Variants in ABCA13 observed in about 807,000 individuals in gnomAD.
ABCA13 encodes the protein ATP binding cassette subfamily A member 13.
A neutral mutation model predicts 478.7 loss-of-function variants in ABCA13; 476 were observed. The ratio of observed to expected loss-of-function variants is 0.99; its 90% CI spans 0.92 to 1.07. The LOEUF is 1.07. Ranked by LOEUF, ABCA13 falls within the 50% of genes least tolerant of loss-of-function variation. The pLI is 0.00. For missense variants in ABCA13, 6,060 were observed against 5,910.6 expected (o/e 1.03, Z -0.83); for synonymous variants, 2,252 against 2,158.9 (o/e 1.04, Z -1.20).
At chr7:48,613,732 T>A (rs953610951) in intron 58 of ABCA13, among the ~76,000 whole-genome samples, 1 of 150,388 alleles carries the variant, frequency 6.6e-6, no homozygotes, top group Non-Finnish European at 1.5e-5. Flanking sequence ...TCTTTCATTT[T>A]TTTTCTTCCT....
Position 48,273,233 on chromosome 7 carries a change from T to C in ABCA13, c.3567T>C (p.Asp1189=), listed in dbSNP as rs1411392797. 8.1e-6 allele frequency: 13 copies of C among 1,613,724 alleles called. No individual in the cohort carries two copies. Among genetic ancestry groups the C allele is most frequent in the Admixed American group, 1.7e-5 (1 of 59,992 alleles). ...AGCTTTTGGATGAATTGGAAGATGA[T>C]GTGAAAGTCTCTAAAAGCTGCCAGG... ...FTQLLDELED[D]VKVSKSCQGI... Residue 1189 remains aspartate (D), a synonymous_variant, in exon 17 of 62, where the codon GAT becomes GAC. Transcript: ENST00000435803.
chr7:48,273,877 T>A lies in ABCA13; in HGVS notation c.4211T>A (p.Leu1404Ter). 1 of 1,612,794 alleles carries A rather than the reference T, an allele frequency of 6.2e-7. No homozygotes were observed. The highest frequency in any genetic ancestry group is 8.5e-7 in the Non-Finnish European group (1 of 1,179,220). The change falls in exon 17 of 62, where the codon TTG (leucine) becomes TAG (stop). Residue 1404 changes from leucine to a stop codon, truncating the protein, a stop_gained. Transcript: ENST00000435803. LOFTEE classifies it high-confidence loss of function. ...GTATGGTTAGATGTCATAAACCATTTGTATTTGTTGTCTAACTCCAGTTTT... is the reference window on the plus strand; with the variant it reads ...GTATGGTTAGATGTCATAAACCATTAGTATTTGTTGTCTAACTCCAGTTTT... ...CIVWLDVINH[L>*]YLLSNSSFSQ...
intron 1 of ABCA13, among the ~76,000 whole-genome samples, chr7:48,191,329 G>A (rs1797078659): frequency 6.6e-6 from 1 of 152,218 alleles, no homozygotes; most frequent in Admixed American, 6.5e-5. Flanking sequence ...CTGTGTCAGA[G>A]AACTTTTTAA....
In ABCA13 at chr7:48,275,589, G is replaced by T; in HGVS notation, c.5923G>T (p.Asp1975Tyr). ...TKVTSGENIL[D>Y]KLSSLNKILN... ...AGTTACATCAGGTGAAAATATTCTT[G>T]ACAAACTAAGTAGTTTAAACAAGAT... Residue 1975 changes from aspartate to tyrosine, a missense_variant, in exon 17 of 62, where the codon GAC (aspartate) becomes TAC (tyrosine). Physicochemically the swap from Asp to Tyr is radical, Grantham distance 160 (BLOSUM62 -3). Coordinates refer to ENST00000435803, the MANE Select transcript of ABCA13 (RefSeq NM_152701.5). 1 of 1,612,616 alleles carries T rather than the reference G, an allele frequency of 6.2e-7. No individual in the cohort carries two copies. Among genetic ancestry groups the T allele is most frequent in the Non-Finnish European group, 8.5e-7 (1 of 1,179,234 alleles).
At chr7:48,219,794 C>T (rs1787076946) in intron 4 of ABCA13, among the ~76,000 whole-genome samples, 1 of 152,006 alleles carries the variant, frequency 6.6e-6, no homozygotes, top group Admixed American at 6.6e-5. Context: ...CTTCTCACCA[C>T]TCTGCCTACT....
At chr7:48,525,142 TATTCTGAGGTAA>T (rs1050061947) in intron 54 of ABCA13, among the ~76,000 whole-genome samples, 43 of 152,178 alleles carry the variant, frequency 2.8e-4, no homozygotes, top group Admixed American at 1.6e-3. Context: ...CAGATATGTG[TATTCTGAGGTAA>T]AGAGAAGCCG....
intron 42 of ABCA13, among the ~76,000 whole-genome samples, 174 bp downstream of exon 42, chr7:48,428,045 TA>T (rs1821672447): frequency 6.8e-6 from 1 of 148,102 alleles, no homozygotes; most frequent in Non-Finnish European, 1.5e-5. Flanking sequence ...CGTTGAGTTT[TA>T]TCCTGGCTTG....
At chr7:48,332,748 G>T (rs62449219) in intron 27 of ABCA13, among the ~76,000 whole-genome samples, 21,786 of 152,006 alleles carry the variant, frequency 0.14, 1,833 homozygotes, top group East Asian at 0.33. Flanking sequence ...TTCTTACGTC[G>T]TGATAAATGT....
intron 48 of ABCA13, among the ~76,000 whole-genome samples, chr7:48,493,336 TTTCGTTATTAGGAC>T (rs1239260490): frequency 1.3e-5 from 2 of 152,136 alleles, no homozygotes; most frequent in African/African-American, 4.8e-5. Context: ...TACTTGCTTC[TTTCGTTATTAGGAC>T]CTTTTAAGTT....
chr7:48,268,547 G>A (rs188537509), intron 15 of ABCA13, among the ~76,000 whole-genome samples: 62 of 152,306 alleles, frequency 4.1e-4, no homozygotes, highest in African/African-American at 1.4e-3. Flanking sequence ...GAATACTCAA[G>A]CGAAGCACAC....
rs145128844 is a variant in ABCA13, at chr7:48,364,729, A to C, written c.10689-3065A>C. 6.5e-3 allele frequency among the ~76,000 whole-genome samples: 996 copies of C among 152,246 alleles called. 10 individuals carry two copies. Among genetic ancestry groups the C allele is most frequent in the Non-Finnish European group, 9.8e-3 (667 of 68,006 alleles). ...CTCCAGTTCCATCCGTGTTGCTTCA[A>C]ATAACAGGATTTTTTCTTTGTAATT... On this transcript the variant is annotated intron_variant, in intron 31 of 61. Transcript: ENST00000435803.
intron 38 of ABCA13, among the ~76,000 whole-genome samples, chr7:48,393,004 G>A (rs1208779720): frequency 6.6e-6 from 1 of 152,212 alleles, no homozygotes; most frequent in Non-Finnish European, 1.5e-5. Flanking sequence ...GTGGGGAGAA[G>A]TGGAAAGGAA....
In ABCA13 at chr7:48,268,991, G is replaced by C. The variant is rs200621947; in HGVS notation, c.2017G>C (p.Glu673Gln). 6.4e-7 allele frequency: 1 copy of C among 1,566,820 alleles called. No homozygotes were observed. The highest frequency in any genetic ancestry group is 1.1e-5 in the South Asian group (1 of 87,796). ...GTCTTTTTATTTAGCTTTTCCTGAGGAATCTCCTTGTTTTGAAGAAAACAT... is the reference window on the plus strand; with the variant it reads ...GTCTTTTTATTTAGCTTTTCCTGAGCAATCTCCTTGTTTTGAAGAAAACAT... ...FQNRLLAFPE[E>Q]SPCFEENMDW... Residue 673 changes from glutamate (E) to glutamine (Q), a missense_variant, in exon 16 of 62, where the codon GAA becomes CAA. This residue lies in a region of ABCA13 where 4,423 missense variants were observed against 4,309.1 expected (regional missense o/e 1.03). Transcript: ENST00000435803.
At chr7:48,386,383 AT>A (rs1815192889) in intron 35 of ABCA13, among the ~76,000 whole-genome samples, 1 of 152,214 alleles carries the variant, frequency 6.6e-6, no homozygotes, top group Admixed American at 6.5e-5. Flanking sequence ...CTAGAAAAAA[AT>A]GTTTCAAAAT....
rs373994947 is a variant in ABCA13 at position 48,506,430 on chromosome 7, A to G, written c.13346+40A>G. 59 of 1,602,410 alleles carry G rather than the reference A, an allele frequency of 3.7e-5. 1 individual carries two copies. Among genetic ancestry groups the G allele is most frequent in the East Asian group, 3.6e-4 (16 of 44,740 alleles). On this transcript the variant is annotated intron_variant, in intron 49 of 61. Coordinates refer to ENST00000435803, the MANE Select transcript of ABCA13 (RefSeq NM_152701.5). ...TGCTGAGGGGTGTGTGACCCTGACT[A>G]TGGAAGAAAATCTTTGTGTTACTTA...
intron 48 of ABCA13, 43 bp from the exon 49 acceptor site, chr7:48,506,293 C>G (rs774739044): frequency 1.2e-5 from 19 of 1,596,900 alleles, no homozygotes; most frequent in Non-Finnish European, 1.2e-5. Context: ...ATTCACCATG[C>G]AGGAGCAGGC....
intron 15 of ABCA13, among the ~76,000 whole-genome samples, chr7:48,266,442 T>C (rs1351704994): frequency 6.6e-6 from 1 of 151,834 alleles, no homozygotes; most frequent in Non-Finnish European, 1.5e-5. Flanking sequence ...ATTCAATTTT[T>C]AATATACATT....
intron 38 of ABCA13, among the ~76,000 whole-genome samples, chr7:48,396,192 A>T (rs1045176265): frequency 6.6e-6 from 1 of 152,168 alleles, no homozygotes; most frequent in African/African-American, 2.4e-5. Flanking sequence ...CAAGGACCAG[A>T]TCCCCTCCCA....
chr7:48,543,519 G>C (rs1343215870), intron 55 of ABCA13, among the ~76,000 whole-genome samples: 1 of 151,624 alleles, frequency 6.6e-6, no homozygotes, highest in Non-Finnish European at 1.5e-5. Flanking sequence ...AACTACTCGG[G>C]AAGCTGAGGC....
Sources: allele counts gnomAD v4.1 joint callset (sites outside exome capture counted in the v4.1 genomes callset), GRCh38; gene constraint gnomAD v4.1.1; regional missense constraint gnomAD v4.1.1; transcripts MANE v1.5; gene names NCBI Gene and HGNC (gene_info 2026-07-23, HGNC 2026-07-21).